Variants in CNIH3 observed in about 807,000 individuals in gnomAD.
The protein encoded by CNIH3 is protein cornichon homolog 3.
In CNIH3, 14 loss-of-function variants were observed where a neutral mutation model predicts 24.1. The ratio of observed to expected loss-of-function variants is 0.58; its 90% confidence interval spans 0.38 to 0.91. CNIH3 has a LOEUF of 0.91. Among genes scored for constraint, CNIH3 ranks in the 40% least tolerant of loss-of-function variants. The pLI, the probability that CNIH3 is intolerant of heterozygous loss-of-function variation, is 0.00. For synonymous variants in CNIH3, 68 were observed against 73.8 expected (o/e 0.92, Z 0.40); for missense variants, 178 against 196.8 (o/e 0.90, Z 0.57).
chr1:224,697,910 G>A (rs1337048149), intron 3 of CNIH3, among the ~76,000 whole-genome samples: 1 of 152,194 alleles, frequency 6.6e-6, no homozygotes, highest in African/African-American at 2.4e-5. Flanking sequence ...GTACCTAGGT[G>A]GGGACAATAA....
At chr1:224,440,993 T>C (rs1295360940) in intron 1 of CNIH3, among the ~76,000 whole-genome samples, 3 of 152,090 alleles carry the variant, frequency 2.0e-5, no homozygotes, top group African/African-American at 7.2e-5. Context: ...ATTTTTTGTA[T>C]TTTTAGTAGA....
chr1:224,678,646 C>T (rs928815966), intron 1 of CNIH3, among the ~76,000 whole-genome samples: 30 of 151,900 alleles, frequency 2.0e-4, no homozygotes, highest in Non-Finnish European at 2.5e-4. Flanking sequence ...GGGATTTGAC[C>T]CATGCTATGT....
intron 1 of CNIH3, among the ~76,000 whole-genome samples, chr1:224,441,105 C>T (rs904173922): frequency 1.3e-5 from 2 of 152,166 alleles, no homozygotes; most frequent in Non-Finnish European, 2.9e-5. Flanking sequence ...CGTGAGCCAC[C>T]GTGCCCGGCC....
At chr1:224,463,112 G>A (rs1248550821) in intron 1 of CNIH3, among the ~76,000 whole-genome samples, 1 of 151,830 alleles carries the variant, frequency 6.6e-6, no homozygotes, top group Non-Finnish European at 1.5e-5. Context: ...TGGCCAGGAT[G>A]GTCTCGATCT....
Position 224,700,612 on chromosome 1 carries a change from G to A in CNIH3, c.198+15769G>A, listed in dbSNP as rs1470677870. Among the ~76,000 whole-genome samples, 3 of 152,128 alleles carry A rather than the reference G, an allele frequency of 2.0e-5. No homozygotes were observed. In the East Asian group the frequency reaches 5.8e-4, roughly 29 times the overall value. On this transcript the variant is annotated intron_variant, in intron 3 of 5. Coordinates refer to ENST00000272133, the MANE Select transcript of CNIH3 (RefSeq NM_152495.2). The stretch of plus-strand genomic sequence containing the variant: ...GCAAGACTTGGATCCTCTTTCATTG[G>A]GTTTTATTGTGTTTATCAAGATCAA...
chr1:224,689,498 C>G (rs1051723203), intron 3 of CNIH3, among the ~76,000 whole-genome samples: 1 of 152,142 alleles, frequency 6.6e-6, no homozygotes, highest in African/African-American at 2.4e-5. Context: ...CACGGTGGGC[C>G]GGCCTGGGCC....
chr1:224,524,959 G>A (rs1284974147), intron 2 of CNIH3, among the ~76,000 whole-genome samples: 2 of 152,150 alleles, frequency 1.3e-5, no homozygotes, highest in Admixed American at 1.3e-4. Context: ...GATGCTGTTA[G>A]ACTATAGGAT....
At chr1:224,439,596 CATT>C (rs1674805913) in intron 1 of CNIH3, among the ~76,000 whole-genome samples, 2 of 151,570 alleles carry the variant, frequency 1.3e-5, no homozygotes, top group African/African-American at 4.8e-5. Flanking sequence ...GTCACTGAAA[CATT>C]ATTATTTACT....
At chr1:224,678,349 C>A (rs1686237898) in intron 1 of CNIH3, among the ~76,000 whole-genome samples, 1 of 152,282 alleles carries the variant, frequency 6.6e-6, no homozygotes, top group South Asian at 2.1e-4. Context: ...CTAATGCAAT[C>A]AGATTGGATT....
intron 4 of CNIH3, among the ~76,000 whole-genome samples, chr1:224,731,517 G>A (rs899014784): frequency 1.3e-5 from 2 of 152,188 alleles, no homozygotes; most frequent in African/African-American, 4.8e-5. Context: ...GGACCCCAAA[G>A]TGTTTTATCA....
intron 1 of CNIH3, among the ~76,000 whole-genome samples, chr1:224,662,894 T>A (rs1171083880): frequency 6.6e-6 from 1 of 152,168 alleles, no homozygotes; most frequent in Admixed American, 6.5e-5. Context: ...ACCAAAATTT[T>A]GGGTTAAGCA....
chr1:224,698,334 G>A (rs923743844), intron 3 of CNIH3, among the ~76,000 whole-genome samples: 7 of 152,224 alleles, frequency 4.6e-5, no homozygotes, highest in African/African-American at 1.4e-4. Flanking sequence ...AATGATCACC[G>A]ATTATAGCAC....
At chr1:224,523,139 T>C (rs1678707431) in intron 2 of CNIH3, among the ~76,000 whole-genome samples, 1 of 151,928 alleles carries the variant, frequency 6.6e-6, no homozygotes, top group South Asian at 2.1e-4. Context: ...CTTGGGAGGC[T>C]GAGGCAGAAG....
chr1:224,570,671 G>C (rs138506538), intron 4 of CNIH3, among the ~76,000 whole-genome samples: 1 of 151,980 alleles, frequency 6.6e-6, no homozygotes, highest in Non-Finnish European at 1.5e-5. Context: ...GTGAACATAT[G>C]TTCCAATTTT....
downstream of CNIH3, among the ~76,000 whole-genome samples, chr1:224,538,504 A>G (rs1006052235): frequency 6.6e-6 from 1 of 152,078 alleles, no homozygotes; most frequent in African/African-American, 2.4e-5. Context: ...ACAGGTAGCA[A>G]TCTTGAAGAG....
chr1:224,724,805 T>C (rs1030100856), intron 3 of CNIH3, among the ~76,000 whole-genome samples: 15 of 152,118 alleles, frequency 9.9e-5, no homozygotes, highest in African/African-American at 2.7e-4. Context: ...GGAGACTGAA[T>C]TGAAAAATCA....
At chr1:224,440,126 T>C (rs1674833927) in intron 1 of CNIH3, among the ~76,000 whole-genome samples, 1 of 152,260 alleles carries the variant, frequency 6.6e-6, no homozygotes, top group African/African-American at 2.4e-5. Context: ...TTTCACCATG[T>C]TGACCAGGAT....
chr1:224,524,791 A>T (rs1414434632), intron 2 of CNIH3, among the ~76,000 whole-genome samples: 1 of 152,138 alleles, frequency 6.6e-6, no homozygotes, highest in East Asian at 1.9e-4. Context: ...TTGGAGAAAC[A>T]GTGTCTTCCC....
chr1:224,492,845 G>A (rs1269714196), intron 1 of CNIH3, among the ~76,000 whole-genome samples: 4 of 152,070 alleles, frequency 2.6e-5, no homozygotes, highest in East Asian at 1.9e-4. Flanking sequence ...TTTTTTTGAC[G>A]TTTCTTCAAA....
Sources: allele counts gnomAD v4.1 joint callset (sites outside exome capture counted in the v4.1 genomes callset), GRCh38; gene constraint gnomAD v4.1.1; transcripts MANE v1.5; gene names NCBI Gene and HGNC (gene_info 2026-07-23, HGNC 2026-07-21).